The following CAMK2A variants were observed in gnomAD, a reference collection of about 807,000 sequenced individuals.
CAMK2A encodes the protein calcium/calmodulin-dependent protein kinase type II subunit alpha.
Under a neutral mutation model 79.2 loss-of-function variants are expected in CAMK2A, and 7 were observed. The observed-to-expected ratio is 0.09, with a 90% CI of 0.05 to 0.17. The LOEUF (loss-of-function observed/expected upper bound fraction) is 0.17. CAMK2A is among the 10% of genes least tolerant of loss of function. The pLI is 1.00. For synonymous variants in CAMK2A, 242 were observed against 251.7 expected (o/e 0.96, Z 0.36); for missense variants, 214 against 646.4 (o/e 0.33, Z 7.25).
intron 4 of CAMK2A, among the ~76,000 whole-genome samples, chr5:150,257,177 G>A (rs1431981286): frequency 6.6e-6 from 1 of 152,066 alleles, no homozygotes; most frequent in East Asian, 1.9e-4. Flanking sequence ...ATTTTTTATC[G>A]ATGAGACTGG....
Position 150,239,062 on chromosome 5 carries a change from A to T in CAMK2A, c.1018-314T>A, listed in dbSNP as rs554472445. Among the ~76,000 whole-genome samples, 111 of 152,246 alleles carry T rather than the reference A, an allele frequency of 7.3e-4. No individual in the cohort carries two copies. The South Asian group carries it at 7.5e-3, about 10-fold the overall frequency. On this transcript the variant is annotated intron_variant, in intron 14 of 18. Transcript: ENST00000671881. ...AAGGGGTGTGGAGGAGCAGAGAGAC[A>T]CCATGGCGGCCGCAGAGTGGGGAGG...
At chr5:150,233,978 A>G (rs1384099987) in intron 15 of CAMK2A, among the ~76,000 whole-genome samples, 1 of 151,988 alleles carries the variant, frequency 6.6e-6, no homozygotes, top group Non-Finnish European at 1.5e-5. Flanking sequence ...ACGCCCAGCT[A>G]ATTTTTGTAT....
intron 2 of CAMK2A, among the ~76,000 whole-genome samples, chr5:150,265,846 G>A (rs1326929583): frequency 6.6e-6 from 1 of 151,640 alleles, no homozygotes; most frequent in Non-Finnish European, 1.5e-5. Context: ...GGAGGCTGAG[G>A]CAGGAGAATT....
At chr5:150,245,048 C>G (rs536696850) in intron 13 of CAMK2A, 113 bp downstream of exon 13, 21 of 1,053,908 alleles carry the variant, frequency 2.0e-5, no homozygotes, top group Non-Finnish European at 2.7e-5. Context: ...TGGCCCACGT[C>G]TGCCCAGGAC....
At chr5:150,251,586 A>T (rs566847116) in intron 9 of CAMK2A, among the ~76,000 whole-genome samples, 164 bp downstream of exon 9, 2 of 152,306 alleles carry the variant, frequency 1.3e-5, no homozygotes, top group South Asian at 4.1e-4. Context: ...GGGCAAGATA[A>T]ATCTCCAATC....
chr5:150,223,174 A>G lies in CAMK2A; in HGVS notation c.1281T>C (p.Asn427=). ...CGTCGCCCATCAGGTGGATGTGGGG[A>G]TTCAGGATGGTGGTGTGCACGGGCT... ...NSKPVHTTIL[N]PHIHLMGDES... is the part of the protein sequence containing the mutation. Residue 427 remains asparagine, a synonymous_variant, in exon 18 of 19, where the codon AAT becomes AAC. Coordinates refer to ENST00000671881, the MANE Select transcript of CAMK2A (RefSeq NM_015981.4). The surrounding 1 kb of genome is among the most constrained non-coding windows in gnomAD (Gnocchi z 4.1). 1 of 1,613,852 alleles carries G rather than the reference A, an allele frequency of 6.2e-7. No individual in the cohort carries two copies. The highest frequency in any genetic ancestry group is 1.6e-4 in the Middle Eastern group (1 of 6,062).
chr5:150,277,376 G>T (rs1756992591), intron 1 of CAMK2A, among the ~76,000 whole-genome samples: 1 of 152,234 alleles, frequency 6.6e-6, no homozygotes. Flanking sequence ...AAGTCCTGCT[G>T]TGTATCCTGT....
intron 3 of CAMK2A, among the ~76,000 whole-genome samples, chr5:150,263,661 C>T (rs1756391335): frequency 6.6e-6 from 1 of 152,168 alleles, no homozygotes; most frequent in Admixed American, 6.5e-5. Context: ...ACTCCACACA[C>T]TCTCACACAC....
intron 1 of CAMK2A, among the ~76,000 whole-genome samples, chr5:150,277,501 G>C (rs1757002283): frequency 6.6e-6 from 1 of 152,204 alleles, no homozygotes; most frequent in Admixed American, 6.5e-5. Context: ...TAAGAGCTAC[G>C]TCTATAAAAC....
At position 150,284,544 on chromosome 5, in the gene CAMK2A, C is replaced by G. The variant is rs569824010; in HGVS notation, c.62+5020G>C. Among the ~76,000 whole-genome samples, 17 of 152,124 alleles carry G rather than the reference C, an allele frequency of 1.1e-4. No individual in the cohort carries two copies. The highest frequency in any genetic ancestry group is 2.2e-4 in the Non-Finnish European group (15 of 68,028). On this transcript the variant is annotated intron_variant, in intron 1 of 18. Transcript: ENST00000671881. The surrounding 1 kb of genome is among the most constrained non-coding windows in gnomAD (Gnocchi z 5.3). ...TCAGCAGAGTGTCAGTGTGTCTCAG[C>G]CTGTGTGGGGGCGGCTGCGCGGGGG... is the stretch of plus-strand genomic sequence containing the variant.
At chr5:150,276,135 C>T (rs1393375780) in intron 1 of CAMK2A, among the ~76,000 whole-genome samples, 8 of 152,180 alleles carry the variant, frequency 5.3e-5, no homozygotes, top group African/African-American at 9.7e-5. Context: ...GCTGTTAGTA[C>T]CCCCATCACT....
At chr5:150,244,900 G>T (rs753775178) in intron 13 of CAMK2A, among the ~76,000 whole-genome samples, 1 of 151,930 alleles carries the variant, frequency 6.6e-6, no homozygotes, top group Admixed American at 6.5e-5. Flanking sequence ...CTTTCCTTGC[G>T]CCTGCCCCCA....
chr5:150,286,526 C>T (rs913852006), intron 1 of CAMK2A, among the ~76,000 whole-genome samples: 9 of 152,260 alleles, frequency 5.9e-5, no homozygotes, highest in African/African-American at 1.2e-4. Flanking sequence ...GGCAGCCCAA[C>T]GCCTTGAAGG....
At chr5:150,245,295 G>A (rs1477317939) in intron 12 of CAMK2A, 94 bp from the exon 13 acceptor site, 5 of 1,204,438 alleles carry the variant, frequency 4.2e-6, no homozygotes, top group Non-Finnish European at 3.7e-6. Context: ...CAGCCGGAGG[G>A]CAGACTGCAG....
At chr5:150,282,714 G>A (rs1006887499) in intron 1 of CAMK2A, among the ~76,000 whole-genome samples, 1 of 152,186 alleles carries the variant, frequency 6.6e-6, no homozygotes, top group African/African-American at 2.4e-5. Context: ...ATACTGAATC[G>A]AACTGAGGGT....
chr5:150,265,136 C>A, intron 2 of CAMK2A, 121 bp from the exon 3 acceptor site: 1 of 753,556 alleles, frequency 1.3e-6, no homozygotes, highest in South Asian at 1.5e-5. Context: ...GCTGGGAAAG[C>A]TCACCTTCTG....
chr5:150,271,125 C>G (rs897795467), intron 2 of CAMK2A, among the ~76,000 whole-genome samples: 1 of 152,230 alleles, frequency 6.6e-6, no homozygotes, highest in African/African-American at 2.4e-5. Flanking sequence ...AGAGAGGGCA[C>G]CAGACTGCTG....
chr5:150,232,944 G>A (rs1308008116), intron 15 of CAMK2A, among the ~76,000 whole-genome samples: 2 of 152,240 alleles, frequency 1.3e-5, no homozygotes, highest in Non-Finnish European at 2.9e-5. Flanking sequence ...CAGGTGGAGA[G>A]CCTGGCTCCT....
intron 15 of CAMK2A, among the ~76,000 whole-genome samples, chr5:150,235,164 C>T (rs866974646): frequency 2.0e-5 from 3 of 152,342 alleles, no homozygotes; most frequent in Non-Finnish European, 2.9e-5. Flanking sequence ...TAGCCTGAGA[C>T]AGTGCCTGAC....
Sources: gnomAD v4.1 joint callset for allele counts (sites outside exome capture counted in the v4.1 genomes callset) on GRCh38, gnomAD v4.1.1 for gene constraint, Gnocchi (gnomAD v3.1) non-coding constraint, MANE v1.5 for transcripts, NCBI Gene and HGNC (gene_info 2026-07-23, HGNC 2026-07-21) for gene names.